Variants in TMEM184C observed in about 807,000 individuals in gnomAD.
TMEM184C encodes the protein transmembrane protein 184C, also known as transmembrane protein 34.
Under a neutral mutation model 54.5 loss-of-function variants are expected in TMEM184C, and 25 were observed. The ratio of observed to expected loss-of-function variants is 0.46; its 90% CI spans 0.33 to 0.64. The LOEUF is 0.64. Among genes scored for constraint, TMEM184C ranks in the 30% least tolerant of loss-of-function variants. TMEM184C has a pLI of 0.02. For missense variants in TMEM184C, 335 were observed against 520.3 expected (o/e 0.64, Z 3.46); for synonymous variants, 148 against 181.5 (o/e 0.82, Z 1.49).
intron 6 of TMEM184C, 94 bp from the exon 7 acceptor site, chr4:147,631,299 A>C (rs1253596291): frequency 2.2e-6 from 2 of 924,136 alleles, no homozygotes; most frequent in Admixed American, 5.8e-5. Context: ...TTTGCCTGAA[A>C]CATTACTCTG....
At chr4:147,618,169 C>T (rs1732635983) in intron 1 of TMEM184C, 90 bp downstream of exon 1, 1 of 1,573,910 alleles carries the variant, frequency 6.4e-7, no homozygotes, top group Non-Finnish European at 8.7e-7. Flanking sequence ...TCTGCCCTGA[C>T]AGTCCTGAAA....
In TMEM184C at chr4:147,629,635, C is replaced by T; in HGVS notation, c.609C>T (p.Asn203=). 6.3e-7 allele frequency: 1 copy of T among 1,595,266 alleles called. No homozygotes were observed. The highest frequency in any genetic ancestry group is 8.5e-7 in the Non-Finnish European group (1 of 1,172,426). ...TGCTTGGTATATATGACGAAGGGAACTTTAGCTTTTCAAATGCTTGGACTT... is the reference window on the plus strand; with the variant it reads ...TGCTTGGTATATATGACGAAGGGAATTTTAGCTTTTCAAATGCTTGGACTT... ...CELLGIYDEG[N]FSFSNAWTYL... Residue 203 remains asparagine (N), a synonymous_variant, in exon 6 of 10, where the codon AAC becomes AAT. Coordinates refer to ENST00000296582, the MANE Select transcript of TMEM184C (RefSeq NM_018241.3).
chr4:147,620,393 TC>T (rs1732687642), intron 1 of TMEM184C, among the ~76,000 whole-genome samples: 1 of 152,062 alleles, frequency 6.6e-6, no homozygotes, highest in Admixed American at 6.6e-5. Flanking sequence ...CAAAAACAAA[TC>T]AATAAAATTG....
chr4:147,631,643 T>C, intron 7 of TMEM184C, 138 bp downstream of exon 7: 1 of 660,698 alleles, frequency 1.5e-6, no homozygotes, highest in Non-Finnish European at 2.6e-6. Context: ...GTTCATCTTT[T>C]TAGCCCTTCT....
At chr4:147,618,201 T>G in intron 1 of TMEM184C, 122 bp downstream of exon 1, 1 of 1,392,182 alleles carries the variant, frequency 7.2e-7, no homozygotes, top group Non-Finnish European at 1.0e-6. Flanking sequence ...TAAACGAGCC[T>G]ACTCTTAGGA....
chr4:147,630,854 T>C (rs1194957043), intron 6 of TMEM184C, among the ~76,000 whole-genome samples: 1 of 152,090 alleles, frequency 6.6e-6, no homozygotes, highest in Non-Finnish European at 1.5e-5. Context: ...ACTAGGTTAT[T>C]ACAGATTTCT....
chr4:147,618,071 A>C lies in TMEM184C; in HGVS notation c.115A>C (p.Lys39Gln). The change falls in exon 1 of 10, where the codon AAA (lysine) becomes CAA (glutamine). Residue 39 changes from lysine to glutamine, a missense_variant. Transcript: ENST00000296582. The stretch of plus-strand genomic sequence containing the variant: ...TCCCCTATGCGTGTGGGAATTACAG[A>C]AACTGGAGGTAAGAGGGTTCTGCAC... ...AVPLCVWELQ[K>Q]LEVGIHTKAW... The C allele has an allele frequency of 6.2e-7, 1 of 1,614,088 alleles. No individual in the cohort carries two copies. The highest frequency in any genetic ancestry group is 8.5e-7 in the Non-Finnish European group (1 of 1,179,978).
rs1245179172 is a variant in TMEM184C, at chr4:147,633,782, T to C, written c.897T>C (p.Ile299=). ...TCTCATAGGATTTTATTATCTGTAT[T>C]GAGATGTTCCTCGCTGCCATTGCTC... ...ATGLQDFIIC[I]EMFLAAIAHH... Residue 299 remains isoleucine, a synonymous_variant, in exon 9 of 10, where the codon ATT becomes ATC. Coordinates refer to ENST00000296582, the MANE Select transcript of TMEM184C (RefSeq NM_018241.3). 1 of 1,605,928 alleles carries C rather than the reference T, an allele frequency of 6.2e-7. No homozygotes were observed. Among genetic ancestry groups the C allele is most frequent in the South Asian group, 1.1e-5 (1 of 89,760 alleles).
intron 1 of TMEM184C, among the ~76,000 whole-genome samples, chr4:147,619,266 T>C (rs1200506360): frequency 6.6e-6 from 1 of 150,972 alleles, no homozygotes; most frequent in East Asian, 2.0e-4. Context: ...GGCGCGATCT[T>C]GGCTCACTGC....
chr4:147,626,708 A>G (rs1484308615), intron 4 of TMEM184C, among the ~76,000 whole-genome samples: 1 of 152,248 alleles, frequency 6.6e-6, no homozygotes, highest in Non-Finnish European at 1.5e-5. Flanking sequence ...ACCTTAGTGC[A>G]CAGAACAGAC....
Position 147,625,007 on chromosome 4 carries a change from AGAGT to A in TMEM184C, c.496_497+2del. 6.2e-7 allele frequency: 1 copy of A among 1,613,246 alleles called. No homozygotes were observed. Among genetic ancestry groups the A allele is most frequent in the Non-Finnish European group, 8.5e-7 (1 of 1,179,588 alleles). On this transcript the variant is annotated splice_donor_variant and coding_sequence_variant, in exon 4 of 10. Transcript: ENST00000296582. LOFTEE classifies it high-confidence loss of function. The stretch of plus-strand genomic sequence containing the variant: ...GTTGCTGTCCACCATGGGCTATGGG[AGAGT>A]AAGTATGTTTGGTTTAATTCTTTTA...
intron 4 of TMEM184C, among the ~76,000 whole-genome samples, chr4:147,627,376 C>T (rs1732833777): frequency 6.6e-6 from 1 of 152,104 alleles, no homozygotes; most frequent in African/African-American, 2.4e-5. Flanking sequence ...TTGCAACCTC[C>T]ACCTCCCATA....
intron 1 of TMEM184C, among the ~76,000 whole-genome samples, chr4:147,620,307 A>G (rs561398012): frequency 1.2e-4 from 19 of 152,284 alleles, no homozygotes; most frequent in Non-Finnish European, 2.4e-4. Context: ...ACTGAGTCCC[A>G]GTGATGAATC....
chr4:147,633,493 C>T (rs1732953627), intron 8 of TMEM184C, among the ~76,000 whole-genome samples: 1 of 151,828 alleles, frequency 6.6e-6, no homozygotes, highest in Admixed American at 6.6e-5. Flanking sequence ...CTCCTAGTTA[C>T]TTGGGAGGCT....
chr4:147,624,381 C>G (rs143737623), intron 3 of TMEM184C, among the ~76,000 whole-genome samples: 8 of 149,836 alleles, frequency 5.3e-5, no homozygotes, highest in African/African-American at 2.0e-4. Flanking sequence ...TTATTTATTA[C>G]GTCTTTTATT....
chr4:147,635,636 G>A lies in TMEM184C; in HGVS notation c.*1202G>A, dbSNP rs188156530. ...TCATTCATATCTATCTATATATATA[G>A]AGAGAGATAGTGGTTCACAGTAATC... On this transcript the variant is annotated 3_prime_UTR_variant, in exon 10 of 10. Coordinates refer to ENST00000296582, the MANE Select transcript of TMEM184C (RefSeq NM_018241.3). The A allele has an allele frequency of 4.7e-4, 72 of 152,100 alleles. No homozygotes were observed. The highest frequency in any genetic ancestry group is 1.6e-3 in the African/African-American group (66 of 41,510). The allele number at this position is 152,100 out of a possible 1,614,324, so 9.4% of individuals were successfully genotyped here.
Position 147,636,040 on chromosome 4 carries a change from TA to T in TMEM184C, c.*1610del, listed in dbSNP as rs1341648573. 1 of 152,052 alleles carries T rather than the reference TA, an allele frequency of 6.6e-6. No homozygotes were observed. The highest frequency in any genetic ancestry group is 2.4e-5 in the African/African-American group (1 of 41,408). 9.4% of individuals were successfully genotyped at this position (152,052 alleles called of 1,614,324 possible). ...TGCTCATGGATCAGAATAATACTGT[TA>T]AAATGGTCACACTACCCAAAGCAAT... is the stretch of plus-strand genomic sequence containing the variant. On this transcript the variant is annotated 3_prime_UTR_variant, in exon 10 of 10. Coordinates refer to ENST00000296582, the MANE Select transcript of TMEM184C (RefSeq NM_018241.3).
intron 4 of TMEM184C, among the ~76,000 whole-genome samples, chr4:147,627,208 T>C (rs1434303911): frequency 6.6e-6 from 1 of 152,308 alleles, no homozygotes; most frequent in Non-Finnish European, 1.5e-5. Flanking sequence ...GTCTAAAGTT[T>C]GTCTAAATGA....
In TMEM184C at chr4:147,617,626, G is replaced by A; in HGVS notation, c.-331G>A. On this transcript the variant is annotated 5_prime_UTR_variant, in exon 1 of 10. The change abolishes an upstream ATG in the 5' untranslated region. Transcript: ENST00000296582. ...TCTGTGCTGCTCTCCTGGAAGCCAT[G>A]GTACAGGCAGAGCTCAGGGCGATCC... The A allele has an allele frequency of 3.3e-6, 1 of 306,290 alleles. No homozygotes were observed. Among genetic ancestry groups the A allele is most frequent in the South Asian group, 3.1e-5 (1 of 32,064 alleles). The allele number at this position is 306,290 out of a possible 1,614,324, so 19.0% of individuals were successfully genotyped here.
Sources: gnomAD v4.1 joint callset for allele counts (sites outside exome capture counted in the v4.1 genomes callset) on GRCh38, gnomAD v4.1.1 for gene constraint, MANE v1.5 for transcripts, NCBI Gene and HGNC (gene_info 2026-07-23, HGNC 2026-07-21) for gene names.